Variants in PALM2AKAP2 observed in about 807,000 individuals in gnomAD.
PALM2AKAP2 encodes PALM2-AKAP2 fusion protein.
A neutral mutation model predicts 71.5 loss-of-function variants in PALM2AKAP2; 37 were observed. That is an observed-to-expected ratio of 0.52 (90% confidence interval 0.40 to 0.68). The LOEUF is 0.68. Ranked by LOEUF, PALM2AKAP2 falls within the 30% of genes least tolerant of loss-of-function variation. The probability of loss-of-function intolerance (pLI) is 0.00; values close to 1 mark genes in which losing one functional copy is unlikely to be tolerated. For missense variants in PALM2AKAP2, 1,224 were observed against 1,191.8 expected (o/e 1.03, Z -0.40); for synonymous variants, 468 against 478.8 (o/e 0.98, Z 0.29).
chr9:110,116,985 T>G (rs1173376382), intron 1 of PALM2AKAP2, among the ~76,000 whole-genome samples: 1 of 152,238 alleles, frequency 6.6e-6, no homozygotes, highest in African/African-American at 2.4e-5. Flanking sequence ...CGTTTAAAAG[T>G]CTAAATGTAT....
chr9:109,922,931 G>C (rs1278685295), intron 3 of PALM2AKAP2, among the ~76,000 whole-genome samples: 4 of 152,126 alleles, frequency 2.6e-5, no homozygotes, highest in Admixed American at 1.3e-4. Context: ...CTACTCACAG[G>C]GTCATTGGGA....
At chr9:109,834,506 G>T (rs1177363990) in intron 1 of PALM2AKAP2, among the ~76,000 whole-genome samples, 1 of 152,216 alleles carries the variant, frequency 6.6e-6, no homozygotes, top group Non-Finnish European at 1.5e-5. Flanking sequence ...ATGTGAAGTT[G>T]TGTGGAGTCT....
chr9:109,924,380 C>T (rs954724790), intron 4 of PALM2AKAP2, among the ~76,000 whole-genome samples: 1 of 152,018 alleles, frequency 6.6e-6, no homozygotes, highest in Non-Finnish European at 1.5e-5. Flanking sequence ...GGGTGGATCA[C>T]GAGGTCAGGA....
chr9:109,771,783 A>G (rs1829268729), intron 1 of PALM2AKAP2, among the ~76,000 whole-genome samples: 1 of 152,178 alleles, frequency 6.6e-6, no homozygotes, highest in South Asian at 2.1e-4. Flanking sequence ...AAAATCATGA[A>G]GGACCAACAG....
chr9:109,732,106 T>A (rs1387764465), intron 1 of PALM2AKAP2, among the ~76,000 whole-genome samples: 1 of 152,196 alleles, frequency 6.6e-6, no homozygotes, highest in Admixed American at 6.5e-5. Flanking sequence ...CAAAGCAAAT[T>A]CAAATTACCT....
chr9:109,882,508 G>C lies in PALM2AKAP2; in HGVS notation c.257+1827G>C, dbSNP rs1829874971. ...TTTTCTTAGAATACAAAGGATAAAG[G>C]CTAAACTGTTACCAACCATTTATAT... On this transcript the variant is annotated intron_variant, in intron 3 of 9. Coordinates refer to the PALM2AKAP2 transcript ENST00000302798. Among the ~76,000 whole-genome samples, 3 of 152,112 alleles carry C rather than the reference G, an allele frequency of 2.0e-5. No individual in the cohort carries two copies. In the South Asian group the frequency reaches 6.2e-4, roughly 32 times the overall value.
intron 1 of PALM2AKAP2, among the ~76,000 whole-genome samples, chr9:109,662,214 G>A (rs1827408618): frequency 6.6e-6 from 1 of 152,142 alleles, no homozygotes; most frequent in Admixed American, 6.5e-5. Context: ...TTGAATAGGA[G>A]TGGTGAGAGA....
At chr9:109,999,297 C>A (rs141352373) in intron 6 of PALM2AKAP2, among the ~76,000 whole-genome samples, 1 of 151,834 alleles carries the variant, frequency 6.6e-6, no homozygotes, top group Admixed American at 6.6e-5. Context: ...CAAGATCACA[C>A]CAAGATCACA....
chr9:110,003,101 CT>C (rs1832711918), intron 6 of PALM2AKAP2, among the ~76,000 whole-genome samples: 1 of 152,156 alleles, frequency 6.6e-6, no homozygotes, highest in Non-Finnish European at 1.5e-5. Flanking sequence ...TCTTACTTCT[CT>C]AGTTCTTTTA....
At chr9:109,934,331 C>G (rs148132946) in intron 6 of PALM2AKAP2, among the ~76,000 whole-genome samples, 11 of 152,296 alleles carry the variant, frequency 7.2e-5, no homozygotes, top group African/African-American at 2.2e-4. Flanking sequence ...CTGCCTTCAT[C>G]ATCCACCCAC....
chr9:109,828,053 A>G (rs756238096), intron 1 of PALM2AKAP2, among the ~76,000 whole-genome samples: 1 of 152,264 alleles, frequency 6.6e-6, no homozygotes, highest in Non-Finnish European at 1.5e-5. Context: ...TATATATGTC[A>G]CTTCCTTTAA....
intron 3 of PALM2AKAP2, among the ~76,000 whole-genome samples, chr9:109,914,273 G>A (rs1485692261): frequency 1.3e-5 from 2 of 152,234 alleles, no homozygotes; most frequent in Non-Finnish European, 2.9e-5. Context: ...GGCAAAGGAT[G>A]AAGAAAGAAC....
intron 1 of PALM2AKAP2, among the ~76,000 whole-genome samples, chr9:110,060,071 A>G (rs1020682165): frequency 6.6e-6 from 1 of 152,094 alleles, no homozygotes; most frequent in African/African-American, 2.4e-5. Context: ...TTTGTGATTG[A>G]ATGCCCTCTG....
At chr9:110,133,703 GC>G (rs1835784532) in intron 1 of PALM2AKAP2, among the ~76,000 whole-genome samples, 2 of 151,954 alleles carry the variant, frequency 1.3e-5, no homozygotes, top group South Asian at 4.2e-4. Flanking sequence ...TAGAAGGAGA[GC>G]TCTGTTGTTC....
chr9:110,041,063 C>G (rs144170755), intron 7 of PALM2AKAP2, among the ~76,000 whole-genome samples: 1 of 152,172 alleles, frequency 6.6e-6, no homozygotes, highest in African/African-American at 2.4e-5. Context: ...GGACTTTGCT[C>G]CTGTTTATTA....
At chr9:109,796,818 G>A (rs1327038511) in intron 1 of PALM2AKAP2, among the ~76,000 whole-genome samples, 1 of 152,140 alleles carries the variant, frequency 6.6e-6, no homozygotes, top group Non-Finnish European at 1.5e-5. Flanking sequence ...CCTCCCACCA[G>A]GTTCTGCCCC....
intron 1 of PALM2AKAP2, among the ~76,000 whole-genome samples, chr9:109,677,529 G>A (rs1028086859): frequency 6.6e-5 from 10 of 152,076 alleles, no homozygotes; most frequent in East Asian, 1.9e-4. Context: ...TCAGCTAGGC[G>A]CAGTGGCGGG....
chr9:110,159,720 G>A lies in PALM2AKAP2; in HGVS notation c.2748+3223G>A, dbSNP rs115417883. ...AAACTGATCTTTGCCATCAAAACAA[G>A]TTCAGTGTCCCCCGAGCCCCCATCA... On this transcript the variant is annotated intron_variant, in intron 3 of 3. Transcript: ENST00000374525. Among the ~76,000 whole-genome samples the A allele has an allele frequency of 1.4e-3, 215 of 152,284 alleles. 1 individual carries two copies. The highest frequency in any genetic ancestry group is 5.1e-3 in the African/African-American group (214 of 41,566).
intron 1 of PALM2AKAP2, among the ~76,000 whole-genome samples, chr9:109,848,039 A>C (rs535678597): frequency 6.6e-6 from 1 of 152,220 alleles, no homozygotes; most frequent in Non-Finnish European, 1.5e-5. Context: ...CTATGAAATA[A>C]GTCAGCTGAG....
Sources: gnomAD v4.1 joint callset for allele counts (sites outside exome capture counted in the v4.1 genomes callset) on GRCh38, gnomAD v4.1.1 for gene constraint, MANE v1.5 for transcripts, NCBI Gene and HGNC (gene_info 2026-07-23, HGNC 2026-07-21) for gene names.